The following GATB variants were observed in gnomAD, a reference collection of about 807,000 sequenced individuals.
GATB encodes the protein glutamyl-tRNA(Gln) amidotransferase subunit B, mitochondrial.
GATB carries 39 observed loss-of-function variants against 62.3 expected under a neutral mutation model. That is an observed-to-expected ratio of 0.63 (90% confidence interval 0.48 to 0.82). The LOEUF is 0.82. Ranked by LOEUF, GATB falls within the 40% of genes least tolerant of loss-of-function variation. GATB has a pLI of 0.00. For missense variants in GATB, 670 were observed against 684.0 expected (o/e 0.98, Z 0.23); for synonymous variants, 276 against 258.9 (o/e 1.07, Z -0.63).
At chr4:151,681,940 A>G (rs920873210) in intron 10 of GATB, among the ~76,000 whole-genome samples, 2 of 152,144 alleles carry the variant, frequency 1.3e-5, no homozygotes, top group African/African-American at 4.8e-5. Context: ...CAAAGGTCCC[A>G]TTTCCTCACA....
intron 5 of GATB, among the ~76,000 whole-genome samples, chr4:151,714,962 T>A (rs1025842697): frequency 6.6e-6 from 1 of 152,242 alleles, no homozygotes. Context: ...AATAAGCAAG[T>A]TCTGTCCTCA....
intron 11 of GATB, chr4:151,674,433 A>G (rs1382325395): frequency 6.6e-6 from 1 of 152,204 alleles, no homozygotes; most frequent in Non-Finnish European, 1.5e-5. Context: ...TAGGACTTAA[A>G]TTTTAAAAAT....
rs186983608 is a variant in GATB at position 151,694,078 on chromosome 4, C to T, written c.1198-5315G>A. On this transcript the variant is annotated intron_variant, in intron 9 of 12. Transcript: ENST00000263985. Reference sequence around the variant, plus strand: ...CGTTCCAACGCACCTAACACCACCACTGTCCAATCGTCCCCACATGGAAGG... The same window carrying T: ...CGTTCCAACGCACCTAACACCACCATTGTCCAATCGTCCCCACATGGAAGG... 2.4e-4 allele frequency among the ~76,000 whole-genome samples: 37 copies of T among 152,336 alleles called. 1 individual carries two copies. The highest frequency in any genetic ancestry group is 8.4e-4 in the African/African-American group (35 of 41,578).
In GATB at chr4:151,671,275, TG is replaced by T; in HGVS notation, c.1572del (p.Arg525GlufsTer3). ...AACCCAATCAGTTTATTTATAGCTCTGGGGTTTCTGTTCTTCACATCCATTA... is the reference window on the plus strand; with the variant it reads ...AACCCAATCAGTTTATTTATAGCTCTGGGTTTCTGTTCTTCACATCCATTA... ...QVVMDVKNRN[P>X]RAINKLIGLV... On this transcript the variant is annotated frameshift_variant, in exon 13 of 13. Coordinates refer to ENST00000263985, the MANE Select transcript of GATB (RefSeq NM_004564.3). LOFTEE classifies it high-confidence loss of function. 6.2e-7 allele frequency: 1 copy of T among 1,613,264 alleles called. No homozygotes were observed. The highest frequency in any genetic ancestry group is 8.5e-7 in the Non-Finnish European group (1 of 1,179,802).
chr4:151,747,716 T>C (rs1244145402), intron 2 of GATB, among the ~76,000 whole-genome samples: 3 of 152,166 alleles, frequency 2.0e-5, no homozygotes, highest in Non-Finnish European at 4.4e-5. Context: ...CAATTACAGA[T>C]GCCTAAGGAC....
intron 11 of GATB, chr4:151,676,574 C>CT (rs1738011081): frequency 6.6e-6 from 1 of 152,234 alleles, no homozygotes; most frequent in Non-Finnish European, 1.5e-5. Context: ...AGCTGTAACT[C>CT]TGACAGTTTG....
chr4:151,740,239 G>A (rs569196206), intron 2 of GATB, among the ~76,000 whole-genome samples: 1 of 152,244 alleles, frequency 6.6e-6, no homozygotes, highest in African/African-American at 2.4e-5. Context: ...TAGTACAGTC[G>A]TGCATCACTT....
intron 2 of GATB, among the ~76,000 whole-genome samples, chr4:151,746,947 G>A (rs905116408): frequency 3.9e-5 from 6 of 152,256 alleles, no homozygotes; most frequent in East Asian, 3.9e-4. Context: ...CCCTGGGGCC[G>A]CAGAAGTAAT....
chr4:151,687,318 G>T (rs951363947), intron 10 of GATB, among the ~76,000 whole-genome samples: 30 of 152,182 alleles, frequency 2.0e-4, no homozygotes, highest in Non-Finnish European at 3.8e-4. Flanking sequence ...AATGGAATAC[G>T]GCATCTTCCC....
chr4:151,683,249 G>T (rs1738180022), intron 10 of GATB, among the ~76,000 whole-genome samples: 1 of 152,126 alleles, frequency 6.6e-6, no homozygotes, highest in African/African-American at 2.4e-5. Context: ...GTAAGCACAT[G>T]CCATCTGGAT....
chr4:151,678,886 T>TG (rs1015666789), intron 11 of GATB, among the ~76,000 whole-genome samples: 2 of 151,582 alleles, frequency 1.3e-5, no homozygotes, highest in African/African-American at 4.9e-5. Context: ...GTTATGTGTT[T>TG]TTTTTGTTTT....
At chr4:151,688,311 G>C (rs983908466) in intron 10 of GATB, among the ~76,000 whole-genome samples, 15 of 152,144 alleles carry the variant, frequency 9.9e-5, no homozygotes, top group African/African-American at 3.4e-4. Context: ...GGCATGACAG[G>C]ATCACCCTGG....
intron 11 of GATB, chr4:151,674,589 TTC>T (rs1240543335): frequency 6.6e-6 from 1 of 152,246 alleles, no homozygotes; most frequent in Non-Finnish European, 1.5e-5. Context: ...ATCTTTTTCT[TTC>T]TGTTTTGTAA....
intron 10 of GATB, among the ~76,000 whole-genome samples, chr4:151,686,056 A>G (rs1421604996): frequency 8.2e-6 from 1 of 121,878 alleles, no homozygotes; most frequent in Non-Finnish European, 1.7e-5. Flanking sequence ...CTGTCTAAAA[A>G]ACAAAACAAA....
chr4:151,688,838 G>A, intron 9 of GATB, 75 bp from the exon 10 acceptor site: 1 of 1,441,350 alleles, frequency 6.9e-7, no homozygotes, highest in Non-Finnish European at 9.3e-7. Flanking sequence ...AGGCAAATCT[G>A]AAACTGTCCC....
At chr4:151,744,916 C>G (rs1444211500) in intron 2 of GATB, among the ~76,000 whole-genome samples, 1 of 152,182 alleles carries the variant, frequency 6.6e-6, no homozygotes, top group Non-Finnish European at 1.5e-5. Context: ...AAGGAACATT[C>G]CACATTTGTG....
intron 10 of GATB, among the ~76,000 whole-genome samples, chr4:151,683,833 T>C (rs1321176364): frequency 6.6e-6 from 1 of 152,224 alleles, no homozygotes; most frequent in Non-Finnish European, 1.5e-5. Context: ...CTCCTCTGCA[T>C]TTCCCACCAC....
chr4:151,683,078 C>T (rs577495506), intron 10 of GATB, among the ~76,000 whole-genome samples: 44 of 152,324 alleles, frequency 2.9e-4, no homozygotes, highest in Admixed American at 7.8e-4. Context: ...ACCAAAGATG[C>T]TGGTTTCCCG....
chr4:151,722,101 A>G, intron 2 of GATB: 2 of 670,006 alleles, frequency 3.0e-6, no homozygotes, highest in Admixed American at 4.8e-5. Flanking sequence ...ATGCCAAGAA[A>G]AAAAGGAATT....
Sources: allele counts gnomAD v4.1 joint callset (sites outside exome capture counted in the v4.1 genomes callset), GRCh38; gene constraint gnomAD v4.1.1; transcripts MANE v1.5; gene names NCBI Gene and HGNC (gene_info 2026-07-23, HGNC 2026-07-21).